Variants in RBMS3 observed in about 807,000 individuals in gnomAD.
RBMS3 encodes RNA-binding motif, single-stranded-interacting protein 3.
A neutral mutation model predicts 66.8 loss-of-function variants in RBMS3; 27 were observed. That is an observed-to-expected ratio of 0.40 (90% CI 0.30 to 0.56). The LOEUF is 0.56. Among genes scored for constraint, RBMS3 ranks in the 20% least tolerant of loss-of-function variants. RBMS3 has a pLI of 0.40. For synonymous variants in RBMS3, 188 were observed against 183.0 expected, an observed-to-expected ratio of 1.03 and a Z score of -0.22; for missense variants, 513 against 549.5, an observed-to-expected ratio of 0.93 and a Z score of 0.66.
chr3:29,650,189 A>T (rs1400393232), intron 4 of RBMS3, among the ~76,000 whole-genome samples: 1 of 152,240 alleles, frequency 6.6e-6, no homozygotes, highest in Non-Finnish European at 1.5e-5. Context: ...ACAGAAAAGA[A>T]AACACCCAGA....
chr3:29,417,416 A>G (rs1325891138), intron 1 of RBMS3, among the ~76,000 whole-genome samples: 1 of 152,060 alleles, frequency 6.6e-6, no homozygotes, highest in African/African-American at 2.4e-5. Context: ...CGTAGAGTTA[A>G]ATATCTGTTG....
chr3:29,455,839 G>T (rs1319285069), intron 2 of RBMS3, among the ~76,000 whole-genome samples: 1 of 151,870 alleles, frequency 6.6e-6, no homozygotes, highest in African/African-American at 2.4e-5. Flanking sequence ...GAAAAACATG[G>T]CAGTAAATAG....
chr3:29,774,357 TGTGA>T (rs1169273336), intron 6 of RBMS3, among the ~76,000 whole-genome samples: 1 of 152,022 alleles, frequency 6.6e-6, no homozygotes, highest in Admixed American at 6.6e-5. Context: ...TCAGGTCTCC[TGTGA>T]GTGAGCAATC....
At chr3:30,002,927 A>G (rs1559881983) in intron 14 of RBMS3, among the ~76,000 whole-genome samples, 1 of 152,032 alleles carries the variant, frequency 6.6e-6, no homozygotes, top group Non-Finnish European at 1.5e-5. Context: ...TACATCTTAT[A>G]TAGTAAACAA....
At chr3:29,433,313 C>A (rs1283711164) in intron 1 of RBMS3, among the ~76,000 whole-genome samples, 1 of 152,110 alleles carries the variant, frequency 6.6e-6, no homozygotes, top group African/African-American at 2.4e-5. Flanking sequence ...AAAGACTCTT[C>A]ATCTTCAGAT....
At chr3:29,664,798 C>T (rs563635710) in intron 4 of RBMS3, among the ~76,000 whole-genome samples, 14 of 152,018 alleles carry the variant, frequency 9.2e-5, no homozygotes, top group Middle Eastern at 3.4e-3. Context: ...TGGGTTGAAG[C>T]ATAGTTTAGG....
intron 12 of RBMS3, among the ~76,000 whole-genome samples, chr3:29,960,033 C>T (rs1696320159): frequency 6.6e-6 from 1 of 152,138 alleles, no homozygotes; most frequent in Non-Finnish European, 1.5e-5. Flanking sequence ...AACAGTCCTC[C>T]AAAGTCTTAG....
rs1446106795 is a variant in RBMS3, at chr3:29,936,158, C to T, written c.1012C>T (p.Gln338Ter). The T allele has an allele frequency of 6.2e-7, 1 of 1,613,308 alleles. No individual in the cohort carries two copies. Among genetic ancestry groups the T allele is most frequent in the Admixed American group, 1.7e-5 (1 of 59,888 alleles). The change falls in exon 11 of 15, where the codon CAG becomes TAG. Residue 338 changes from glutamine (Q) to a stop codon, truncating the protein, a stop_gained. Coordinates refer to ENST00000383767, the MANE Select transcript of RBMS3 (RefSeq NM_001003793.3). LOFTEE classifies it high-confidence loss of function. ...AGCCAACATGATGGGCCCACTGACA[C>T]AGCAGATGAATCACCTTTCGTTGGG... Reference protein sequence around the residue: ...QPANMMGPLTQQMNHLSLGTT... With the variant: ...QPANMMGPLT
At chr3:29,997,463 A>C (rs1423577804) in intron 14 of RBMS3, among the ~76,000 whole-genome samples, 2 of 148,500 alleles carry the variant, frequency 1.3e-5, no homozygotes, top group Non-Finnish European at 2.9e-5. Context: ...GAGACACAAC[A>C]AAAAAAGAGA....
intron 6 of RBMS3, among the ~76,000 whole-genome samples, chr3:29,803,223 G>A (rs2057442524): frequency 6.6e-6 from 1 of 151,964 alleles, no homozygotes; most frequent in Non-Finnish European, 1.5e-5. Context: ...GTTTTATTCT[G>A]CCACTTTCTT....
intron 4 of RBMS3, among the ~76,000 whole-genome samples, chr3:29,684,606 G>A (rs1434935056): frequency 6.6e-6 from 1 of 151,390 alleles, no homozygotes; most frequent in Non-Finnish European, 1.5e-5. Flanking sequence ...CTGATTGTTT[G>A]ATAGATAGAC....
intron 4 of RBMS3, among the ~76,000 whole-genome samples, chr3:29,640,881 C>G (rs2049678366): frequency 6.6e-6 from 1 of 151,954 alleles, no homozygotes; most frequent in African/African-American, 2.4e-5. Flanking sequence ...TTTACTGTCT[C>G]TACAGCTGTG....
intron 4 of RBMS3, among the ~76,000 whole-genome samples, chr3:29,693,735 T>G (rs1202462159): frequency 6.6e-6 from 1 of 152,216 alleles, no homozygotes; most frequent in Non-Finnish European, 1.5e-5. Context: ...TGAACTAGGT[T>G]GAGACCGAAG....
intron 10 of RBMS3, among the ~76,000 whole-genome samples, chr3:29,932,137 A>T (rs2061145778): frequency 6.6e-6 from 1 of 152,226 alleles, no homozygotes; most frequent in Non-Finnish European, 1.5e-5. Flanking sequence ...AAACTGATCA[A>T]ATTGAAGCAT....
chr3:29,372,535 G>A (rs989611416), intron 1 of RBMS3, among the ~76,000 whole-genome samples: 1 of 151,940 alleles, frequency 6.6e-6, no homozygotes, highest in African/African-American at 2.4e-5. Flanking sequence ...AAAAAATAAT[G>A]GTTTTGTTGG....
rs1266628997 is a variant in RBMS3, at chr3:29,739,837, A to C, written c.517A>C (p.Arg173=). ...ACATGTCATTTCCACAAGAATACTAAGAGACGCTAATGGAGTCAGCAGAGG... is the reference window on the plus strand; with the variant it reads ...ACATGTCATTTCCACAAGAATACTACGAGACGCTAATGGAGTCAGCAGAGG... ...FGHVISTRIL[R]DANGVSRGVG... The change falls in exon 5 of 15, where the codon AGA becomes CGA. Residue 173 remains arginine (R), a synonymous_variant. Coordinates refer to ENST00000383767, the MANE Select transcript of RBMS3 (RefSeq NM_001003793.3). 2.5e-6 allele frequency: 4 copies of C among 1,612,540 alleles called. No individual in the cohort carries two copies. The highest frequency in any genetic ancestry group is 3.4e-6 in the Non-Finnish European group (4 of 1,179,386).
intron 4 of RBMS3, chr3:29,731,071 A>G: frequency 1.0e-6 from 1 of 962,784 alleles, no homozygotes; most frequent in Non-Finnish European, 1.2e-6. Context: ...TGCCTAACTC[A>G]ATTGAAGGCT....
intron 5 of RBMS3, among the ~76,000 whole-genome samples, chr3:29,742,738 T>G (rs1375522544): frequency 6.6e-6 from 1 of 152,234 alleles, no homozygotes; most frequent in Non-Finnish European, 1.5e-5. Context: ...GTTTTCTTTT[T>G]CTTTGTTGGA....
intron 6 of RBMS3, among the ~76,000 whole-genome samples, chr3:29,858,823 G>T (rs141170684): frequency 2.0e-5 from 3 of 152,258 alleles, no homozygotes; most frequent in Admixed American, 2.0e-4. Context: ...AAATGATGGT[G>T]TTTTAATCTT....
Sources: allele counts gnomAD v4.1 joint callset (sites outside exome capture counted in the v4.1 genomes callset), GRCh38; gene constraint gnomAD v4.1.1; transcripts MANE v1.5; gene names NCBI Gene and HGNC (gene_info 2026-07-23, HGNC 2026-07-21).